Variants in KIAA1217 observed in about 807,000 individuals in gnomAD.
The protein encoded by KIAA1217 is KIAA1217, also known as sickle tail protein homolog.
In KIAA1217, 88 loss-of-function variants were observed where a neutral mutation model predicts 163.9. The observed-to-expected ratio is 0.54, with a 90% CI of 0.45 to 0.64. The LOEUF (loss-of-function observed/expected upper bound fraction) is 0.64. Among genes scored for constraint, KIAA1217 ranks in the 30% least tolerant of loss-of-function variants. The probability of loss-of-function intolerance (pLI) is 0.00; values close to 1 mark genes in which losing one functional copy is unlikely to be tolerated. For missense variants in KIAA1217, 2,372 were observed against 2,475.0 expected, an observed-to-expected ratio of 0.96 and a Z score of 0.88; for synonymous variants, 903 against 923.1, an observed-to-expected ratio of 0.98 and a Z score of 0.39.
intron 3 of KIAA1217, among the ~76,000 whole-genome samples, chr10:24,425,108 C>A (rs1432571314): frequency 5.3e-5 from 8 of 152,144 alleles, no homozygotes; most frequent in African/African-American, 9.7e-5. Flanking sequence ...ACCCAGTTAA[C>A]TGAGTAGGAT....
intron 1 of KIAA1217, among the ~76,000 whole-genome samples, chr10:23,844,727 G>A (rs1321938090): frequency 6.6e-6 from 1 of 150,744 alleles, no homozygotes; most frequent in Non-Finnish European, 1.5e-5. Flanking sequence ...TTAATTTGTG[G>A]CTCAACGTTT....
intron 3 of KIAA1217, among the ~76,000 whole-genome samples, chr10:24,405,292 T>C (rs2057085915): frequency 6.6e-6 from 1 of 152,154 alleles, no homozygotes; most frequent in Non-Finnish European, 1.5e-5. Context: ...ACTTTCTTAT[T>C]ATAATTTTTT....
chr10:24,485,447 G>C (rs2133449704), intron 6 of KIAA1217, among the ~76,000 whole-genome samples: 1 of 152,266 alleles, frequency 6.6e-6, no homozygotes, highest in African/African-American at 2.4e-5. Context: ...TCCACCAAAT[G>C]TCTAACTGAC....
chr10:23,962,146 A>G (rs188805743), intron 1 of KIAA1217, among the ~76,000 whole-genome samples: 9 of 152,360 alleles, frequency 5.9e-5, no homozygotes, highest in Non-Finnish European at 1.2e-4. Context: ...ACTCTGACCA[A>G]TGGAATTACT....
At chr10:24,307,426 CCTTCGTGTACACA>C (rs1470962794) in intron 2 of KIAA1217, among the ~76,000 whole-genome samples, 1 of 152,140 alleles carries the variant, frequency 6.6e-6, no homozygotes, top group East Asian at 1.9e-4. Flanking sequence ...GTGGAAACAG[CCTTCGTGTACACA>C]CTTCTTGACC....
intron 3 of KIAA1217, among the ~76,000 whole-genome samples, chr10:24,383,501 G>A (rs190479849): frequency 1.1e-4 from 16 of 152,306 alleles, no homozygotes; most frequent in African/African-American, 3.4e-4. Flanking sequence ...GGGTGTTTTC[G>A]CACGGGGTGG....
At chr10:24,349,152 AAG>A (rs1554825380) in intron 2 of KIAA1217, among the ~76,000 whole-genome samples, 2 of 145,142 alleles carry the variant, frequency 1.4e-5, no homozygotes, top group Non-Finnish European at 3.0e-5. Flanking sequence ...AAAAAAAAAA[AAG>A]AGAGATTGAG....
In KIAA1217 at chr10:24,263,675, A is replaced by G. The variant is rs570678194; in HGVS notation, c.354+43766A>G. On this transcript the variant is annotated intron_variant, in intron 2 of 20. Transcript: ENST00000376454. ...TAGGTGTGAGGCGCTGTTTCCTTCT[A>G]AGACCAGTATTGTTTCTGACTAACT... Among the ~76,000 whole-genome samples the G allele has an allele frequency of 7.2e-5, 11 of 152,264 alleles. No homozygotes were observed. In the South Asian group the frequency reaches 2.3e-3, roughly 32 times the overall value.
chr10:23,698,629 A>G (rs992493704), intron 1 of KIAA1217, among the ~76,000 whole-genome samples: 4 of 152,210 alleles, frequency 2.6e-5, no homozygotes, highest in African/African-American at 9.6e-5. Context: ...CTCATTTTGC[A>G]GATGAGAAAA....
intron 1 of KIAA1217, among the ~76,000 whole-genome samples, chr10:23,960,008 C>T (rs1381357630): frequency 5.3e-5 from 8 of 151,414 alleles, no homozygotes; most frequent in East Asian, 3.9e-4. Flanking sequence ...CTCCTCCTCC[C>T]GGGTTCACGC....
intron 5 of KIAA1217, among the ~76,000 whole-genome samples, chr10:24,452,856 G>A (rs1176961894): frequency 6.6e-6 from 1 of 152,074 alleles, no homozygotes; most frequent in Non-Finnish European, 1.5e-5. Context: ...TTACCCTGAT[G>A]CGATTATTAC....
chr10:24,461,678 G>A (rs1369826367), intron 5 of KIAA1217, among the ~76,000 whole-genome samples: 1 of 152,088 alleles, frequency 6.6e-6, no homozygotes, highest in Admixed American at 6.6e-5. Context: ...ATTCTACACA[G>A]ATCAACATCA....
intron 20 of KIAA1217, 124 bp downstream of exon 20, chr10:24,545,227 T>G: frequency 4.1e-6 from 6 of 1,475,574 alleles, no homozygotes; most frequent in Non-Finnish European, 5.4e-6. Context: ...ATCCTGGATC[T>G]GGGGGCATGA....
chr10:24,352,445 A>G (rs1564522509), intron 2 of KIAA1217, among the ~76,000 whole-genome samples: 1 of 152,184 alleles, frequency 6.6e-6, no homozygotes, highest in Admixed American at 6.5e-5. Context: ...GGGCTTGCTG[A>G]TCTGCCTATT....
chr10:23,973,064 T>TA (rs1365478220), intron 1 of KIAA1217, among the ~76,000 whole-genome samples: 2 of 152,090 alleles, frequency 1.3e-5, no homozygotes, highest in African/African-American at 2.4e-5. Flanking sequence ...AAGTAAAATT[T>TA]AAAAAAAATT....
Position 23,742,296 on chromosome 10 carries a change from C to T in KIAA1217, c.-321+47062C>T, listed in dbSNP as rs574026901. Among the ~76,000 whole-genome samples the T allele has an allele frequency of 3.7e-4, 57 of 152,164 alleles. 1 individual carries two copies. Among genetic ancestry groups the T allele is most frequent in the Admixed American group, 1.8e-3 (27 of 15,282 alleles). ...TGGAGGGGCCTGCCACTGAGCAGGACGCTAGAAGAGTGTGACATCTTGGAA... is the reference window on the plus strand; with the variant it reads ...TGGAGGGGCCTGCCACTGAGCAGGATGCTAGAAGAGTGTGACATCTTGGAA... On this transcript the variant is annotated intron_variant, in intron 1 of 18. Transcript: ENST00000376462.
intron 1 of KIAA1217, among the ~76,000 whole-genome samples, chr10:23,837,512 C>T (rs1272918309): frequency 2.6e-5 from 4 of 152,098 alleles, no homozygotes; most frequent in Non-Finnish European, 5.9e-5. Context: ...TGAAATGACA[C>T]ATTCACCTTT....
At chr10:24,095,350 C>A (rs577362277) in intron 2 of KIAA1217, among the ~76,000 whole-genome samples, 1 of 152,164 alleles carries the variant, frequency 6.6e-6, no homozygotes, top group South Asian at 2.1e-4. Context: ...GAGCCGTAGA[C>A]CGGAGCTGTT....
intron 1 of KIAA1217, among the ~76,000 whole-genome samples, chr10:23,818,674 G>A (rs1203957808): frequency 6.6e-6 from 1 of 152,118 alleles, no homozygotes; most frequent in Non-Finnish European, 1.5e-5. Flanking sequence ...TCACAGCACA[G>A]GCGACCAGAA....
Sources: gnomAD v4.1 joint callset for allele counts (sites outside exome capture counted in the v4.1 genomes callset) on GRCh38, gnomAD v4.1.1 for gene constraint, MANE v1.5 for transcripts, NCBI Gene and HGNC (gene_info 2026-07-23, HGNC 2026-07-21) for gene names.